The following GRM7 variants were observed in gnomAD, a reference collection of about 807,000 sequenced individuals.
GRM7 encodes glutamate metabotropic receptor 7.
GRM7 carries 35 observed loss-of-function variants against 84.5 expected under a neutral mutation model. The observed-to-expected ratio is 0.41, with a 90% CI of 0.32 to 0.55. The LOEUF (loss-of-function observed/expected upper bound fraction) is 0.55, where lower values mean the gene tolerates loss of function less well. GRM7 is among the 20% of genes least tolerant of loss of function. The pLI is 0.19. For missense variants in GRM7, 1,003 were observed against 1,194.6 expected, an observed-to-expected ratio of 0.84 and a Z score of 2.36; for synonymous variants, 487 against 455.1, an observed-to-expected ratio of 1.07 and a Z score of -0.89.
chr3:7,610,927 A>C (rs533312097), intron 8 of GRM7, among the ~76,000 whole-genome samples: 1 of 152,340 alleles, frequency 6.6e-6, no homozygotes, highest in East Asian at 1.9e-4. Flanking sequence ...AATAACAACA[A>C]AACGATAGTT....
intron 5 of GRM7, among the ~76,000 whole-genome samples, chr3:7,437,181 T>G (rs942778519): frequency 3.3e-5 from 5 of 152,230 alleles, no homozygotes; most frequent in African/African-American, 1.2e-4. Context: ...TTTAAGCTTT[T>G]ATTTCCTATT....
At position 7,625,884 on chromosome 3, in the gene GRM7, C is replaced by G. The variant is rs191864446; in HGVS notation, c.2451+46527C>G. Among the ~76,000 whole-genome samples the G allele has an allele frequency of 4.1e-4, 62 of 152,144 alleles. 2 individuals carry two copies. The East Asian group carries it at 0.011, about 27-fold the overall frequency. On this transcript the variant is annotated intron_variant, in intron 8 of 9. Coordinates refer to ENST00000357716, the MANE Select transcript of GRM7 (RefSeq NM_000844.4). Reference sequence around the variant, plus strand: ...TATCAAGGCATTTTGCTGAAGATATCAGCAAAGGGAGAAATTACAGAAAAG... The same window carrying G: ...TATCAAGGCATTTTGCTGAAGATATGAGCAAAGGGAGAAATTACAGAAAAG...
At chr3:7,367,267 C>T (rs1329411872) in intron 4 of GRM7, among the ~76,000 whole-genome samples, 2 of 151,548 alleles carry the variant, frequency 1.3e-5, no homozygotes, top group African/African-American at 4.8e-5. Context: ...CTTGCTTATT[C>T]TGTATGTACG....
intron 2 of GRM7, among the ~76,000 whole-genome samples, chr3:7,235,081 T>A (rs1223377196): frequency 2.0e-5 from 3 of 152,186 alleles, no homozygotes; most frequent in African/African-American, 7.2e-5. Context: ...ATAAAAAAAG[T>A]AAACTAGCAA....
At chr3:7,281,790 T>C (rs1480539334) in intron 2 of GRM7, among the ~76,000 whole-genome samples, 1 of 152,132 alleles carries the variant, frequency 6.6e-6, no homozygotes, top group Non-Finnish European at 1.5e-5. Flanking sequence ...GAGTCTGTAC[T>C]TTAAAAATGG....
intron 8 of GRM7, among the ~76,000 whole-genome samples, chr3:7,667,439 C>G (rs1338742562): frequency 6.6e-6 from 1 of 152,030 alleles, no homozygotes; most frequent in African/African-American, 2.4e-5. Context: ...ATTTCTCTTC[C>G]TGCTCCAACC....
intron 7 of GRM7, among the ~76,000 whole-genome samples, chr3:7,561,727 C>T (rs1575495315): frequency 6.6e-6 from 1 of 152,092 alleles, no homozygotes; most frequent in Non-Finnish European, 1.5e-5. Context: ...AGCAGATATG[C>T]ATGTTTGGTT....
In GRM7 at chr3:6,866,539, G is replaced by T. The variant is rs578009431; in HGVS notation, c.519+4632G>T. 2.4e-4 allele frequency among the ~76,000 whole-genome samples: 37 copies of T among 152,182 alleles called. No homozygotes were observed. The South Asian group carries it at 7.5e-3, about 31-fold the overall frequency. ...CAAGTTAATTTCCTGTATTCAGACT[G>T]CTTTTGTATTATCTTACAATTTACT... On this transcript the variant is annotated intron_variant, in intron 1 of 9. Coordinates refer to ENST00000357716, the MANE Select transcript of GRM7 (RefSeq NM_000844.4).
intron 5 of GRM7, among the ~76,000 whole-genome samples, chr3:7,444,151 T>C (rs1012242071): frequency 3.3e-5 from 5 of 152,174 alleles, no homozygotes; most frequent in Admixed American, 6.6e-5. Flanking sequence ...AACAGATTCA[T>C]GAATGTCCTG....
At chr3:7,174,063 A>G (rs1216974585) in intron 2 of GRM7, among the ~76,000 whole-genome samples, 1 of 152,176 alleles carries the variant, frequency 6.6e-6, no homozygotes, top group Non-Finnish European at 1.5e-5. Context: ...GGCCACATTG[A>G]GAAGGTGGTA....
chr3:7,160,098 G>A (rs1018572580), intron 2 of GRM7, among the ~76,000 whole-genome samples: 1 of 152,098 alleles, frequency 6.6e-6, no homozygotes, highest in Non-Finnish European at 1.5e-5. Flanking sequence ...GAGTCATTTT[G>A]TTGAGTAGGT....
intron 4 of GRM7, among the ~76,000 whole-genome samples, chr3:7,331,705 GCT>G (rs1559242242): frequency 6.6e-6 from 1 of 152,136 alleles, no homozygotes; most frequent in African/African-American, 2.4e-5. Context: ...ATGTGTTGGA[GCT>G]CTGTCTTGTG....
chr3:7,377,358 G>C (rs1398259242), intron 4 of GRM7, among the ~76,000 whole-genome samples: 1 of 152,144 alleles, frequency 6.6e-6, no homozygotes, highest in Non-Finnish European at 1.5e-5. Flanking sequence ...GTAAGTGTGG[G>C]CACACTATTT....
At chr3:7,656,216 G>A (rs6796954) in intron 8 of GRM7, among the ~76,000 whole-genome samples, 19,312 of 152,002 alleles carry the variant, frequency 0.13, 2,222 homozygotes, top group African/African-American at 0.31. Flanking sequence ...CTGGCTGGGC[G>A]CGATGGCTCA....
intron 2 of GRM7, among the ~76,000 whole-genome samples, chr3:7,259,953 GTT>G (rs1164961076): frequency 1.1e-5 from 1 of 89,666 alleles, no homozygotes; most frequent in Non-Finnish European, 1.9e-5. Context: ...ACCAGCATCT[GTT>G]TTTTTTTTTT....
intron 2 of GRM7, among the ~76,000 whole-genome samples, chr3:7,258,138 C>T (rs912726992): frequency 6.6e-6 from 1 of 152,146 alleles, no homozygotes; most frequent in Admixed American, 6.5e-5. Context: ...ATGATTTAAC[C>T]ATCACACTAT....
At chr3:7,629,369 A>C (rs573440072) in intron 8 of GRM7, among the ~76,000 whole-genome samples, 1 of 152,274 alleles carries the variant, frequency 6.6e-6, no homozygotes, top group East Asian at 1.9e-4. Flanking sequence ...GCTCAAAATG[A>C]GGATGCCAGC....
At chr3:7,206,689 G>C (rs1696252084) in intron 2 of GRM7, among the ~76,000 whole-genome samples, 1 of 152,192 alleles carries the variant, frequency 6.6e-6, no homozygotes, top group Admixed American at 6.5e-5. Context: ...AGCAAAAGGA[G>C]AGATGGCACC....
intron 7 of GRM7, among the ~76,000 whole-genome samples, chr3:7,566,807 A>G (rs1214679243): frequency 6.6e-6 from 1 of 152,184 alleles, no homozygotes; most frequent in Non-Finnish European, 1.5e-5. Context: ...CAGGGGGAAA[A>G]AAAAAATGGT....
Sources: gnomAD v4.1 joint callset for allele counts (sites outside exome capture counted in the v4.1 genomes callset) on GRCh38, gnomAD v4.1.1 for gene constraint, MANE v1.5 for transcripts, NCBI Gene and HGNC (gene_info 2026-07-23, HGNC 2026-07-21) for gene names.